The following RNF152 variants were observed in gnomAD, a reference collection of about 807,000 sequenced individuals.
RNF152 encodes the protein ring finger protein 152, also known as E3 ubiquitin-protein ligase RNF152.
In RNF152, 11 loss-of-function variants were observed where a neutral mutation model predicts 12.7. That is an observed-to-expected ratio of 0.86 (90% CI 0.54 to 1.43). The LOEUF (loss-of-function observed/expected upper bound fraction) is 1.43. RNF152 is among the 40% of genes most tolerant of loss of function. RNF152 has a pLI of 0.00. For synonymous variants in RNF152, 113 were observed against 120.3 expected, an observed-to-expected ratio of 0.94 and a Z score of 0.40; for missense variants, 255 against 274.8, an observed-to-expected ratio of 0.93 and a Z score of 0.51.
intron 1 of RNF152, among the ~76,000 whole-genome samples, chr18:61,829,883 A>AG (rs1359807099): frequency 6.6e-6 from 1 of 152,092 alleles, no homozygotes; most frequent in Non-Finnish European, 1.5e-5. Context: ...TGAAGACTTC[A>AG]GGGGGGCAAG....
intron 1 of RNF152, among the ~76,000 whole-genome samples, chr18:61,854,877 G>T (rs1016290293): frequency 5.9e-5 from 9 of 152,178 alleles, no homozygotes; most frequent in African/African-American, 1.9e-4. Context: ...AAAAATCAAT[G>T]TCACATCAAA....
chr18:61,818,458 A>T (rs1438360568), intron 1 of RNF152, among the ~76,000 whole-genome samples: 2 of 152,164 alleles, frequency 1.3e-5, no homozygotes, highest in African/African-American at 4.8e-5. Flanking sequence ...AAAACAAGAA[A>T]AAGCAAACCA....
chr18:61,833,279 G>A (rs1910033437), intron 1 of RNF152, among the ~76,000 whole-genome samples: 1 of 152,296 alleles, frequency 6.6e-6, no homozygotes, highest in East Asian at 1.9e-4. Flanking sequence ...GAGACAGCCA[G>A]TCTATTTCAG....
chr18:61,862,629 G>A (rs1375398326), intron 1 of RNF152, among the ~76,000 whole-genome samples: 1 of 152,166 alleles, frequency 6.6e-6, no homozygotes, highest in Non-Finnish European at 1.5e-5. Flanking sequence ...ACCCACGGAG[G>A]GCATAGAAGC....
chr18:61,815,767 GC>G lies in RNF152; in HGVS notation c.*84del, dbSNP rs1298254332. ...CGCTCAGCACCAAATGGTCAGTGTT[GC>G]CCCCCATCTTCTCACTGGGATCTCA... On this transcript the variant is annotated 3_prime_UTR_variant, in exon 2 of 2. Transcript: ENST00000312828. The G allele has an allele frequency of 1.4e-6, 2 of 1,470,162 alleles. No homozygotes were observed. The highest frequency in any genetic ancestry group is 1.9e-6 in the Non-Finnish European group (2 of 1,068,208). The allele number at this position is 1,470,162 out of a possible 1,614,324, so 91.1% of individuals were successfully genotyped here. A position where few individuals can be genotyped will look rare whatever the true frequency, so the allele number is the denominator to read the frequency against.
At chr18:61,826,573 T>C (rs1227815926) in intron 1 of RNF152, among the ~76,000 whole-genome samples, 2 of 151,648 alleles carry the variant, frequency 1.3e-5, no homozygotes, top group Non-Finnish European at 2.9e-5. Flanking sequence ...CTTTTTTTCC[T>C]CTTTACATGT....
intron 1 of RNF152, among the ~76,000 whole-genome samples, chr18:61,834,151 T>G (rs1599277135): frequency 6.6e-6 from 1 of 152,208 alleles, no homozygotes; most frequent in East Asian, 1.9e-4. Context: ...CCACTCTGAG[T>G]CACTTGCACA....
In RNF152 at chr18:61,885,856, C is replaced by T. The variant is rs146112787; in HGVS notation, c.-136+6939G>A. On this transcript the variant is annotated intron_variant, in intron 1 of 1. Transcript: ENST00000312828. ...TCAGCGGTGGGCAACTACACCCAGT[C>T]ATCACAAATCCAGGCATCAATGCCT... is the stretch of plus-strand genomic sequence containing the variant. Among the ~76,000 whole-genome samples, 82 of 152,160 alleles carry T rather than the reference C, an allele frequency of 5.4e-4. 1 individual carries two copies. In the East Asian group the frequency reaches 0.016, roughly 29 times the overall value.
intron 1 of RNF152, among the ~76,000 whole-genome samples, chr18:61,880,734 TGCATCAG>T (rs575186140): frequency 5.9e-5 from 9 of 152,210 alleles, no homozygotes; most frequent in Non-Finnish European, 1.2e-4. Context: ...AACTTCAATT[TGCATCAG>T]GCAAAATGTT....
chr18:61,848,740 G>C lies in RNF152; in HGVS notation c.-135-32142C>G, dbSNP rs534080591. On this transcript the variant is annotated intron_variant, in intron 1 of 1. Coordinates refer to ENST00000312828, the MANE Select transcript of RNF152 (RefSeq NM_173557.3). ...GCAGTGAAAGTTTGGAGCCACGGAA[G>C]AGGCCTGCCCGGCAGGAGCTGATGT... Among the ~76,000 whole-genome samples, 312 of 152,364 alleles carry C rather than the reference G, an allele frequency of 2.0e-3. 2 individuals are homozygous for C. Among genetic ancestry groups the C allele is most frequent in the Non-Finnish European group, 2.9e-4 (20 of 68,042 alleles).
At chr18:61,879,346 G>C (rs1057247946) in intron 1 of RNF152, among the ~76,000 whole-genome samples, 10 of 152,154 alleles carry the variant, frequency 6.6e-5, no homozygotes, top group African/African-American at 2.4e-4. Context: ...ACGATTTAAA[G>C]TATACACGAG....
chr18:61,810,589 A>C lies in RNF152; in HGVS notation c.*5263T>G, dbSNP rs1300753362. ...CTTGAACCTGGGAGGCGGAGGTTGC[A>C]GTGAGCTGAGATCATGCCATTGCAC... On this transcript the variant is annotated 3_prime_UTR_variant, in exon 2 of 2. Coordinates refer to ENST00000312828, the MANE Select transcript of RNF152 (RefSeq NM_173557.3). 2 of 152,342 alleles carry C rather than the reference A, an allele frequency of 1.3e-5. No homozygotes were observed. Among genetic ancestry groups the C allele is most frequent in the African/African-American group, 4.8e-5 (2 of 41,466 alleles). 9.4% of individuals were successfully genotyped at this position (152,342 alleles called of 1,614,324 possible).
At chr18:61,831,969 A>C (rs1909974770) in intron 1 of RNF152, among the ~76,000 whole-genome samples, 1 of 152,066 alleles carries the variant, frequency 6.6e-6, no homozygotes, top group Non-Finnish European at 1.5e-5. Context: ...ATCTGTAATC[A>C]TACTCACACA....
At chr18:61,851,963 T>C (rs1369697628) in intron 1 of RNF152, among the ~76,000 whole-genome samples, 1 of 152,140 alleles carries the variant, frequency 6.6e-6, no homozygotes, top group Non-Finnish European at 1.5e-5. Flanking sequence ...TAAAATAATT[T>C]TATCTATAAT....
At chr18:61,843,413 A>G (rs1361124179) in intron 1 of RNF152, among the ~76,000 whole-genome samples, 5 of 152,248 alleles carry the variant, frequency 3.3e-5, no homozygotes, top group Non-Finnish European at 7.3e-5. Flanking sequence ...AAAATTAAAA[A>G]TAAAATCACC....
chr18:61,885,871 C>T (rs1912668508), intron 1 of RNF152, among the ~76,000 whole-genome samples: 2 of 151,966 alleles, frequency 1.3e-5, no homozygotes, highest in South Asian at 2.1e-4. Flanking sequence ...CAAATCCAGG[C>T]ATCAATGCCT....
At chr18:61,866,772 G>T (rs1391627793) in intron 1 of RNF152, among the ~76,000 whole-genome samples, 3 of 152,210 alleles carry the variant, frequency 2.0e-5, no homozygotes, top group Non-Finnish European at 4.4e-5. Flanking sequence ...CAAAGCAGCA[G>T]CTCTGGCTTT....
intron 1 of RNF152, among the ~76,000 whole-genome samples, chr18:61,828,378 A>G (rs987651503): frequency 1.1e-4 from 16 of 152,280 alleles, no homozygotes; most frequent in African/African-American, 3.9e-4. Flanking sequence ...TAGCCCCCCG[A>G]GTAGCTGGGA....
At chr18:61,833,035 C>T (rs994264968) in intron 1 of RNF152, among the ~76,000 whole-genome samples, 1 of 152,178 alleles carries the variant, frequency 6.6e-6, no homozygotes, top group African/African-American at 2.4e-5. Flanking sequence ...AGTCACTGTG[C>T]CAGTTAAGGG....
Sources: allele counts gnomAD v4.1 joint callset (sites outside exome capture counted in the v4.1 genomes callset), GRCh38; gene constraint gnomAD v4.1.1; transcripts MANE v1.5; gene names NCBI Gene and HGNC (gene_info 2026-07-23, HGNC 2026-07-21).